PTPRM: variants seen among roughly 807,000 people sequenced by gnomAD.
PTPRM encodes protein tyrosine phosphatase receptor type M, also known as receptor-type tyrosine-protein phosphatase mu.
A neutral mutation model predicts 186.7 loss-of-function variants in PTPRM; 47 were observed. The ratio of observed to expected loss-of-function variants is 0.25; its 90% CI spans 0.20 to 0.32. PTPRM has a LOEUF of 0.32. Ranked by LOEUF, PTPRM falls within the 10% of genes least tolerant of loss-of-function variation. The pLI is 1.00. For missense variants in PTPRM, 1,494 were observed against 1,865.0 expected, an observed-to-expected ratio of 0.80 and a Z score of 3.66; for synonymous variants, 668 against 674.9, an observed-to-expected ratio of 0.99 and a Z score of 0.16.
intron 2 of PTPRM, among the ~76,000 whole-genome samples, chr18:7,819,199 G>A (rs331414): frequency 0.69 from 105,302 of 152,048 alleles, 37,590 homozygotes; most frequent in East Asian, 0.94. Flanking sequence ...GCCTGTGCCT[G>A]TGGACATAGG....
chr18:7,873,977 G>A (rs890193696), intron 2 of PTPRM, among the ~76,000 whole-genome samples: 2 of 150,846 alleles, frequency 1.3e-5, no homozygotes, highest in African/African-American at 4.9e-5. Flanking sequence ...GTCGTAGCAG[G>A]TGTCGAAAGT....
At chr18:8,035,418 G>A (rs917914568) in intron 7 of PTPRM, among the ~76,000 whole-genome samples, 1 of 152,042 alleles carries the variant, frequency 6.6e-6, no homozygotes, top group Non-Finnish European at 1.5e-5. Flanking sequence ...ACCAAAATCT[G>A]CAGCTACTCA....
chr18:8,342,141 A>G (rs2095478611), intron 22 of PTPRM, among the ~76,000 whole-genome samples: 1 of 152,218 alleles, frequency 6.6e-6, no homozygotes, highest in Admixed American at 6.5e-5. Flanking sequence ...ACATTACACA[A>G]GAACCGATTG....
chr18:7,842,907 CAT>C lies in PTPRM; in HGVS notation c.197-45196_197-45195del, dbSNP rs1318623418. Among the ~76,000 whole-genome samples, 265 of 96,236 alleles carry C rather than the reference CAT, an allele frequency of 2.8e-3. 4 individuals are homozygous for C. Among genetic ancestry groups the C allele is most frequent in the African/African-American group, 0.012 (215 of 17,210 alleles). The allele number at this position is 96,236 out of a possible 152,430, so 63.1% of individuals were successfully genotyped here. A position where few individuals can be genotyped will look rare whatever the true frequency, so the allele number is the denominator to read the frequency against. ...CGTGTGTATATATATATATGTTTCT[CAT>C]ATGTGTGTGTGTGTGTGTGTGTATA... is the stretch of plus-strand genomic sequence containing the variant. On this transcript the variant is annotated intron_variant, in intron 2 of 32. Coordinates refer to ENST00000580170, the MANE Select transcript of PTPRM (RefSeq NM_001105244.2).
intron 1 of PTPRM, among the ~76,000 whole-genome samples, chr18:7,571,864 A>C (rs1389304465): frequency 6.6e-6 from 1 of 152,182 alleles, no homozygotes; most frequent in Non-Finnish European, 1.5e-5. Context: ...TTGTTTTTGC[A>C]AGTCTTCTAT....
intron 14 of PTPRM, among the ~76,000 whole-genome samples, chr18:8,217,145 G>C (rs1191209994): frequency 6.6e-6 from 1 of 152,210 alleles, no homozygotes; most frequent in Non-Finnish European, 1.5e-5. Flanking sequence ...ATGCTGGCTT[G>C]TCATTTTCTA....
chr18:8,385,988 G>C (rs984667871), intron 30 of PTPRM, among the ~76,000 whole-genome samples: 5 of 152,082 alleles, frequency 3.3e-5, no homozygotes, highest in African/African-American at 9.7e-5. Flanking sequence ...CCTGGGGAAT[G>C]GAGTGGGCTC....
chr18:8,015,269 CT>C (rs1182350758), intron 7 of PTPRM, among the ~76,000 whole-genome samples: 1 of 152,088 alleles, frequency 6.6e-6, no homozygotes, highest in Non-Finnish European at 1.5e-5. Flanking sequence ...GACTAGAAGC[CT>C]TACTGATAAC....
intron 3 of PTPRM, among the ~76,000 whole-genome samples, chr18:7,904,561 C>T (rs994200528): frequency 6.6e-6 from 1 of 152,166 alleles, no homozygotes; most frequent in African/African-American, 2.4e-5. Flanking sequence ...CCATAGCTAT[C>T]GGGAAGTTCA....
Position 7,655,996 on chromosome 18 carries a change from ACT to A in PTPRM, c.73+88106_73+88107del, listed in dbSNP as rs1181345998. Among the ~76,000 whole-genome samples the A allele has an allele frequency of 2.6e-5, 4 of 152,204 alleles. No individual in the cohort carries two copies. The East Asian group carries it at 7.7e-4, about 29-fold the overall frequency. On this transcript the variant is annotated intron_variant, in intron 1 of 32. Transcript: ENST00000580170. ...TGATAGGACTGTAAATGGTTCAACC[ACT>A]GTGGAAAACAGTATGGCAGTTCCTC...
At chr18:7,883,620 CTT>C (rs897218462) in intron 2 of PTPRM, among the ~76,000 whole-genome samples, 202 of 152,306 alleles carry the variant, frequency 1.3e-3, no homozygotes, top group African/African-American at 4.5e-3. Flanking sequence ...GAAACGTCAC[CTT>C]TTGTACTTTA....
chr18:8,218,896 C>T (rs1885016063), intron 14 of PTPRM, among the ~76,000 whole-genome samples: 1 of 152,150 alleles, frequency 6.6e-6, no homozygotes, highest in East Asian at 1.9e-4. Context: ...ACTCTTGGTT[C>T]TTAGAACTCA....
intron 1 of PTPRM, among the ~76,000 whole-genome samples, chr18:7,712,909 G>C (rs1049568480): frequency 6.6e-6 from 1 of 152,108 alleles, no homozygotes; most frequent in Non-Finnish European, 1.5e-5. Context: ...GTACCTGAAA[G>C]TGACAAGGAG....
chr18:7,692,670 T>G, intron 1 of PTPRM, among the ~76,000 whole-genome samples: 1 of 152,230 alleles, frequency 6.6e-6, no homozygotes, highest in East Asian at 1.9e-4. Context: ...CTTGGATGAC[T>G]GCTACTATAG....
In PTPRM at chr18:7,668,879, G is replaced by T. The variant is rs2039155734; in HGVS notation, c.73+100988G>T. Among the ~76,000 whole-genome samples the T allele has an allele frequency of 6.6e-6, 1 of 151,858 alleles. No individual in the cohort carries two copies. Among genetic ancestry groups the T allele is most frequent in the Non-Finnish European group, 1.5e-5 (1 of 67,986 alleles). On this transcript the variant is annotated intron_variant, in intron 1 of 32. Coordinates refer to ENST00000580170, the MANE Select transcript of PTPRM (RefSeq NM_001105244.2). This position sits in a 1 kb window ranked among gnomAD's most constrained non-coding sequence, Gnocchi z 4.7. ...TATAATTTGTCTTTTAATTATCTTT[G>T]TTGTTTATTGCCTGCCTCTCTGCTT...
chr18:7,915,674 TA>T (rs1280126997), intron 4 of PTPRM, among the ~76,000 whole-genome samples: 1 of 152,170 alleles, frequency 6.6e-6, no homozygotes, highest in Non-Finnish European at 1.5e-5. Context: ...ATTTTACAAA[TA>T]AAAAAATTTT....
At chr18:8,103,343 C>A (rs2091376809) in intron 11 of PTPRM, among the ~76,000 whole-genome samples, 1 of 152,230 alleles carries the variant, frequency 6.6e-6, no homozygotes, top group African/African-American at 2.4e-5. Flanking sequence ...CATTGAAAAT[C>A]TGTGGTTTAG....
chr18:7,761,866 G>T (rs1316002450), intron 1 of PTPRM, among the ~76,000 whole-genome samples: 2 of 152,150 alleles, frequency 1.3e-5, no homozygotes. Context: ...CAAAACTCTA[G>T]AATCAGGAGT....
chr18:7,952,472 G>A (rs1042401150), intron 6 of PTPRM, among the ~76,000 whole-genome samples: 1 of 152,122 alleles, frequency 6.6e-6, no homozygotes, highest in Non-Finnish European at 1.5e-5. Flanking sequence ...GCTGAGGCGG[G>A]TGGATCACAA....
Sources: gnomAD v4.1 joint callset for allele counts (sites outside exome capture counted in the v4.1 genomes callset) on GRCh38, gnomAD v4.1.1 for gene constraint, Gnocchi (gnomAD v3.1) non-coding constraint, MANE v1.5 for transcripts, NCBI Gene and HGNC (gene_info 2026-07-23, HGNC 2026-07-21) for gene names.